Variants in GPR39 observed in about 807,000 individuals in gnomAD.
GPR39 encodes the protein G protein-coupled receptor 39.
GPR39 carries 23 observed loss-of-function variants against 18.4 expected under a neutral mutation model. That is an observed-to-expected ratio of 1.25 (90% CI 0.90 to 1.77). GPR39 has a LOEUF of 1.77. Ranked by LOEUF, GPR39 falls within the 40% of genes most tolerant of loss-of-function variation. The pLI, the probability that GPR39 is intolerant of heterozygous loss-of-function variation, is 0.00. For missense variants in GPR39, 647 were observed against 602.4 expected (o/e 1.07, Z -0.78); for synonymous variants, 280 against 257.9 (o/e 1.09, Z -0.82).
intron 1 of GPR39, among the ~76,000 whole-genome samples, chr2:132,448,107 G>T (rs1406620668): frequency 6.6e-6 from 1 of 152,180 alleles, no homozygotes; most frequent in African/African-American, 2.4e-5. Flanking sequence ...TGAGGCAGAA[G>T]ACTTAAAGAA....
Position 132,645,978 on chromosome 2 carries a change from G to A in GPR39, c.*372G>A. ...AGGACACCCAGAAGAAACTCACTCA[G>A]GGAGGTGGGGGGTTGGGGGCGAGGG... On this transcript the variant is annotated 3_prime_UTR_variant, in exon 2 of 2. Transcript: ENST00000329321. The A allele has an allele frequency of 8.2e-7, 1 of 1,223,580 alleles. No homozygotes were observed. Among genetic ancestry groups the A allele is most frequent in the South Asian group, 1.6e-5 (1 of 63,238 alleles). The allele number at this position is 1,223,580 out of a possible 1,614,324, so 75.8% of individuals were successfully genotyped here.
At chr2:132,517,137 G>A (rs554329680) in intron 1 of GPR39, among the ~76,000 whole-genome samples, 130 of 151,924 alleles carry the variant, frequency 8.6e-4, no homozygotes, top group African/African-American at 2.7e-3. Flanking sequence ...AAGTCACTCC[G>A]TTTGTGTGTT....
chr2:132,636,185 A>G (rs183106320), intron 1 of GPR39, among the ~76,000 whole-genome samples: 1 of 152,314 alleles, frequency 6.6e-6, no homozygotes, highest in Non-Finnish European at 1.5e-5. Flanking sequence ...ACCTTTGGAT[A>G]ATATAGGTCA....
intron 1 of GPR39, among the ~76,000 whole-genome samples, chr2:132,585,558 C>T (rs960633921): frequency 4.6e-5 from 7 of 152,204 alleles, no homozygotes; most frequent in Admixed American, 3.9e-4. Context: ...TCTGTGTGTG[C>T]GGACGGGGCC....
intron 1 of GPR39, among the ~76,000 whole-genome samples, chr2:132,574,264 T>C (rs1372999001): frequency 6.6e-6 from 1 of 152,242 alleles, no homozygotes; most frequent in Non-Finnish European, 1.5e-5. Context: ...TTTTAAAATC[T>C]ATTGCCAATT....
At chr2:132,431,554 C>T (rs1307713460) in intron 1 of GPR39, among the ~76,000 whole-genome samples, 1 of 152,208 alleles carries the variant, frequency 6.6e-6, no homozygotes, top group Non-Finnish European at 1.5e-5. Context: ...TTTTCTCTCC[C>T]TGCAAATTGA....
At chr2:132,532,499 G>A (rs1679659805) in intron 1 of GPR39, among the ~76,000 whole-genome samples, 1 of 152,076 alleles carries the variant, frequency 6.6e-6, no homozygotes, top group South Asian at 2.1e-4. Context: ...ATTTTATGAG[G>A]CCAGCATCAT....
At chr2:132,605,509 C>G (rs1483537116) in intron 1 of GPR39, among the ~76,000 whole-genome samples, 2 of 152,214 alleles carry the variant, frequency 1.3e-5, no homozygotes, top group East Asian at 1.9e-4. Flanking sequence ...GAACTCACGT[C>G]TGCTCACTTT....
At chr2:132,566,529 C>T (rs968498634) in intron 1 of GPR39, among the ~76,000 whole-genome samples, 1 of 152,216 alleles carries the variant, frequency 6.6e-6, no homozygotes, top group Non-Finnish European at 1.5e-5. Flanking sequence ...GTCCTTTCAT[C>T]TCTCTAGGAG....
At chr2:132,492,782 CATAT>C (rs1289903312) in intron 1 of GPR39, among the ~76,000 whole-genome samples, 4 of 13,256 alleles carry the variant, frequency 3.0e-4, no homozygotes, top group East Asian at 0.015. Flanking sequence ...ATATATATAC[CATAT>C]ATATACCATA....
chr2:132,520,090 A>C (rs1679395857), intron 1 of GPR39, among the ~76,000 whole-genome samples: 1 of 152,016 alleles, frequency 6.6e-6, no homozygotes, highest in African/African-American at 2.4e-5. Flanking sequence ...TCTGACTTAT[A>C]ATTTATATTC....
intron 1 of GPR39, among the ~76,000 whole-genome samples, chr2:132,579,567 T>C (rs1437903058): frequency 6.6e-6 from 1 of 152,176 alleles, no homozygotes; most frequent in African/African-American, 2.4e-5. Context: ...GTTCCAACTA[T>C]AAGACTATGG....
chr2:132,644,604 G>A (rs1271231070), intron 1 of GPR39, among the ~76,000 whole-genome samples: 1 of 152,164 alleles, frequency 6.6e-6, no homozygotes, highest in Non-Finnish European at 1.5e-5. Flanking sequence ...TAAATATGCT[G>A]CTTTGTTGCC....
chr2:132,420,364 G>T (rs1679987813), intron 1 of GPR39, among the ~76,000 whole-genome samples: 1 of 152,158 alleles, frequency 6.6e-6, no homozygotes, highest in Non-Finnish European at 1.5e-5. Flanking sequence ...ATAAATTAAT[G>T]GAGTGAAGAG....
chr2:132,518,822 T>A (rs1409844136), intron 1 of GPR39, among the ~76,000 whole-genome samples: 1 of 152,220 alleles, frequency 6.6e-6, no homozygotes, highest in Non-Finnish European at 1.5e-5. Flanking sequence ...ATGCAATAGT[T>A]TTCATTCTTT....
intron 1 of GPR39, among the ~76,000 whole-genome samples, chr2:132,563,463 A>G (rs1391701603): frequency 6.6e-6 from 1 of 152,224 alleles, no homozygotes; most frequent in East Asian, 1.9e-4. Context: ...AGTTCCAGCT[A>G]CTTGGGAGGC....
At chr2:132,539,105 C>T (rs1159039281) in intron 1 of GPR39, among the ~76,000 whole-genome samples, 2 of 152,086 alleles carry the variant, frequency 1.3e-5, no homozygotes, top group Non-Finnish European at 2.9e-5. Flanking sequence ...CAGGCACTGC[C>T]GGAGTATGAA....
intron 1 of GPR39, among the ~76,000 whole-genome samples, chr2:132,491,052 G>A (rs369195221): frequency 1.3e-5 from 2 of 152,174 alleles, no homozygotes; most frequent in Non-Finnish European, 2.9e-5. Context: ...ACCAAGCTGA[G>A]CCCTAAATTA....
At chr2:132,592,621 A>G (rs1423704878) in intron 1 of GPR39, among the ~76,000 whole-genome samples, 1 of 152,134 alleles carries the variant, frequency 6.6e-6, no homozygotes, top group Admixed American at 6.5e-5. Context: ...ATCACTCTGG[A>G]TGCTGTGTTG....
Sources: allele counts gnomAD v4.1 joint callset (sites outside exome capture counted in the v4.1 genomes callset), GRCh38; gene constraint gnomAD v4.1.1; transcripts MANE v1.5; gene names NCBI Gene and HGNC (gene_info 2026-07-23, HGNC 2026-07-21).